GARIN4: variants seen among roughly 807,000 people sequenced by gnomAD.
The protein encoded by GARIN4 is golgi associated RAB2 interactor family member 4.
chr1:212,626,606 AC>A, the GARIN4 span: 2 of 1,613,862 alleles, frequency 1.2e-6, no homozygotes, highest in Non-Finnish European at 1.7e-6. Context: ...GGGGCTGGAG[AC>A]GGTTGGTTCT....
chr1:212,626,643 T>C, the GARIN4 span: 2 of 1,606,068 alleles, frequency 1.2e-6, no homozygotes, highest in Admixed American at 3.4e-5. Context: ...ATGGAGACAG[T>C]GACCTTTGAA....
the GARIN4 span, chr1:212,626,661 A>G: frequency 6.3e-7 from 1 of 1,591,558 alleles, no homozygotes; most frequent in Non-Finnish European, 8.5e-7. Context: ...GAAGCCCATT[A>G]AATAAGACCC....
At chr1:212,626,450 A>C in the GARIN4 span, 1 of 1,614,226 alleles carries the variant, frequency 6.2e-7, no homozygotes. Flanking sequence ...GGGACTTGGC[A>C]GGGTCAGCTC....
At chr1:212,626,588 G>T in the GARIN4 span, 1 of 1,614,106 alleles carries the variant, frequency 6.2e-7, no homozygotes, top group Non-Finnish European at 8.5e-7. Flanking sequence ...GACAGCAGAG[G>T]GTGGCCAGGG....
At chr1:212,625,213 A>G in the GARIN4 span, 1 of 1,614,098 alleles carries the variant, frequency 6.2e-7, no homozygotes, top group Non-Finnish European at 8.5e-7. Flanking sequence ...AACGCAAGGC[A>G]GCAAAGAACT....
At chr1:212,624,754 G>C in the GARIN4 span, 1 of 1,431,818 alleles carries the variant, frequency 7.0e-7, no homozygotes, top group Non-Finnish European at 9.1e-7. Flanking sequence ...GGGTGGGATT[G>C]AGAGACCAGC....
chr1:212,624,997 C>G, the GARIN4 span: 5 of 1,614,134 alleles, frequency 3.1e-6, no homozygotes, highest in East Asian at 6.7e-5. Flanking sequence ...ACGATATATT[C>G]AAGTATGCAC....
chr1:212,626,594 C>G, the GARIN4 span: 1 of 1,613,874 alleles, frequency 6.2e-7, no homozygotes, highest in African/African-American at 1.3e-5. Context: ...AGAGGGTGGC[C>G]AGGGGCTGGA....
the GARIN4 span, chr1:212,626,579 A>G: frequency 6.2e-7 from 1 of 1,614,036 alleles, no homozygotes; most frequent in African/African-American, 1.3e-5. Context: ...CATCGCCGAG[A>G]CAGCAGAGGG....
At chr1:212,626,226 G>C in the GARIN4 span, 3 of 1,614,202 alleles carry the variant, frequency 1.9e-6, no homozygotes, top group Middle Eastern at 1.7e-4. Flanking sequence ...CACAAAACAA[G>C]GGGAGACAAG....
At chr1:212,624,798 T>C in the GARIN4 span, 21 of 1,455,622 alleles carry the variant, frequency 1.4e-5, no homozygotes, top group Middle Eastern at 2.1e-4. Flanking sequence ...GGAGCACCAC[T>C]GGTCCCTCAT....
At chr1:212,626,192 C>G in the GARIN4 span, 1 of 1,614,042 alleles carries the variant, frequency 6.2e-7, no homozygotes, top group Non-Finnish European at 8.5e-7. Flanking sequence ...GAGTTCCCAT[C>G]GCCGCAGGAC....
At chr1:212,624,663 C>G in the GARIN4 span, 2 of 776,830 alleles carry the variant, frequency 2.6e-6, no homozygotes, top group Admixed American at 7.1e-5. Context: ...CCTACAGCAC[C>G]CCCCACAGCA....
the GARIN4 span, chr1:212,624,545 G>A: frequency 4.9e-6 from 1 of 203,108 alleles, no homozygotes. Context: ...ACTACAAACT[G>A]TAATTAAAAA....
At chr1:212,625,815 C>T in the GARIN4 span, 1 of 1,614,086 alleles carries the variant, frequency 6.2e-7, no homozygotes, top group Non-Finnish European at 8.5e-7. Context: ...GCAGCCATAG[C>T]TGGGGCGGCC....
the GARIN4 span, chr1:212,626,452 G>C: frequency 2.5e-6 from 4 of 1,614,052 alleles, no homozygotes; most frequent in Non-Finnish European, 3.4e-6. Context: ...GACTTGGCAG[G>C]GTCAGCTCTT....
At chr1:212,624,693 C>G in the GARIN4 span, 2 of 1,184,810 alleles carry the variant, frequency 1.7e-6, no homozygotes, top group Non-Finnish European at 2.3e-6. Context: ...GCTCCCACCC[C>G]CACCCCGGCC....
chr1:212,626,624 C>G, the GARIN4 span: 7 of 1,611,396 alleles, frequency 4.3e-6, no homozygotes, highest in South Asian at 5.5e-5. Context: ...TTCTATGACA[C>G]CGGACATCAT....
At chr1:212,625,695 G>T in the GARIN4 span, 2 of 1,614,088 alleles carry the variant, frequency 1.2e-6, no homozygotes, top group Admixed American at 3.3e-5. Context: ...CCAGCAACAG[G>T]GGGGATTAAA....
Sources: allele counts gnomAD v4.1 joint callset, GRCh38; gene constraint gnomAD v4.1.1; transcripts MANE v1.5; gene names NCBI Gene and HGNC (gene_info 2026-07-23, HGNC 2026-07-21).